BIRC6: variants seen among roughly 807,000 people sequenced by gnomAD.
BIRC6 encodes the protein dual E2 ubiquitin-conjugating enzyme/E3 ubiquitin-protein ligase BIRC6.
In BIRC6, 98 loss-of-function variants were observed where a neutral mutation model predicts 503.3. The ratio of observed to expected loss-of-function variants is 0.19; its 90% CI spans 0.17 to 0.23. The LOEUF is 0.23. Among genes scored for constraint, BIRC6 ranks in the 10% least tolerant of loss-of-function variants. The pLI is 1.00. For synonymous variants in BIRC6, 2,240 were observed against 2,078.7 expected (o/e 1.08, Z -2.11); for missense variants, 5,360 against 5,806.0 (o/e 0.92, Z 2.50).
At chr2:32,390,254 T>C (rs1037601977) in intron 4 of BIRC6, among the ~76,000 whole-genome samples, 11 of 152,150 alleles carry the variant, frequency 7.2e-5, no homozygotes, top group Non-Finnish European at 1.3e-4. Context: ...CACTGCGAGC[T>C]CCGCCTCCCA....
chr2:32,578,242 T>G (rs1266140397), intron 66 of BIRC6, among the ~76,000 whole-genome samples: 1 of 152,118 alleles, frequency 6.6e-6, no homozygotes, highest in Non-Finnish European at 1.5e-5. Context: ...ACTTAAGATG[T>G]ATTTTTTTTT....
rs10528992 is a variant in BIRC6 at position 32,508,276 on chromosome 2, CTTTTTTTTTTTTTTTTT to C, written c.9980+28_9980+44del. On this transcript the variant is annotated intron_variant, in intron 51 of 73. Transcript: ENST00000421745. ...CAAAACAAGGTATGTTTTGTTTGTC[CTTTTTTTTTTTTTTTTT>C]TTTTTTTTTTGGCATGGTTGGGAGA... 6.5e-5 allele frequency: 56 copies of C among 864,882 alleles called. 1 individual carries two copies. Among genetic ancestry groups the C allele is most frequent in the Admixed American group, 4.2e-4 (6 of 14,318 alleles). The allele number at this position is 864,882 out of a possible 1,614,324, so 53.6% of individuals were successfully genotyped here.
Position 32,513,196 on chromosome 2 carries a change from G to T in BIRC6, c.10568+42G>T, listed in dbSNP as rs775467215. On this transcript the variant is annotated intron_variant, in intron 54 of 73. Transcript: ENST00000421745. Reference sequence around the variant, plus strand: ...AAATCTTTTTTATCCCCCAGTACTAGATCAGTTAGTGTTCACTTGATAAAA... The same window carrying T: ...AAATCTTTTTTATCCCCCAGTACTATATCAGTTAGTGTTCACTTGATAAAA... 3.4e-6 allele frequency: 5 copies of T among 1,471,164 alleles called. No individual in the cohort carries two copies. In the East Asian group the frequency reaches 9.1e-5, roughly 27 times the overall value. 91.1% of individuals were successfully genotyped at this position (1,471,164 alleles called of 1,614,324 possible).
At chr2:32,370,439 C>G (rs2035766505) in intron 1 of BIRC6, among the ~76,000 whole-genome samples, 1 of 152,076 alleles carries the variant, frequency 6.6e-6, no homozygotes. Context: ...TGTTGGTTCT[C>G]TTGCCTGAAA....
In BIRC6 at chr2:32,377,649, G is replaced by C. The variant is rs775519648; in HGVS notation, c.387G>C (p.Val129=). Residue 129 remains valine (V), a synonymous_variant, in exon 2 of 74, where the codon GTG becomes GTC. Coordinates refer to ENST00000421745, the MANE Select transcript of BIRC6 (RefSeq NM_016252.4). ...YISAVDKVIF[V]DDYAVGCRKD... is the part of the protein sequence containing the mutation. Reference sequence around the variant, plus strand: ...CTGCTGTGGATAAAGTTATATTTGTGGATGATTATGCAGTAGGGTGTAGGA... The same window carrying C: ...CTGCTGTGGATAAAGTTATATTTGTCGATGATTATGCAGTAGGGTGTAGGA... 5.0e-6 allele frequency: 8 copies of C among 1,613,306 alleles called. No homozygotes were observed. The South Asian group carries it at 8.8e-5, about 18-fold the overall frequency.
Position 32,515,137 on chromosome 2 carries a change from A to C in BIRC6, c.10716A>C (p.Gln3572His), listed in dbSNP as rs61754132. The C allele has an allele frequency of 1.2e-6, 2 of 1,613,998 alleles. No individual in the cohort carries two copies. The highest frequency in any genetic ancestry group is 1.7e-6 in the Non-Finnish European group (2 of 1,179,890). Reference protein sequence around the residue: ...GWMGITPPPVQCHHRLSMTDD... With the variant: ...GWMGITPPPVHCHHRLSMTDD... The stretch of plus-strand genomic sequence containing the variant: ...TGGGAATTACCCCTCCTCCAGTGCA[A>C]TGTCATCATAGACTGTCCATGACAG... Residue 3572 changes from glutamine (Q) to histidine (H), a missense_variant, in exon 55 of 74, where the codon CAA becomes CAC. By Grantham distance (24) the Gln-to-His change is conservative (BLOSUM62 0). Coordinates refer to ENST00000421745, the MANE Select transcript of BIRC6 (RefSeq NM_016252.4).
At chr2:32,523,357 C>T (rs958410831) in intron 57 of BIRC6, 41 of 152,156 alleles carry the variant, frequency 2.7e-4, no homozygotes, top group African/African-American at 9.9e-4. Flanking sequence ...TGAAAATTGG[C>T]TAAACTTCTA....
chr2:32,467,574 T>A lies in BIRC6; in HGVS notation c.5406T>A (p.Thr1802=), dbSNP rs1246766346. Reference sequence around the variant, plus strand: ...ATTTTGGGAGGCCTATATTGTTGACTGATGTATTGATTCCCACTTGTGGAG... The same window carrying A: ...ATTTTGGGAGGCCTATATTGTTGACAGATGTATTGATTCCCACTTGTGGAG... The part of the protein sequence containing the change: ...TLDFGRPILL[T]DVLIPTCGDL... The change falls in exon 27 of 74, where the codon ACT becomes ACA. Residue 1802 remains threonine, a synonymous_variant. Transcript: ENST00000421745. The A allele has an allele frequency of 9.3e-6, 15 of 1,613,856 alleles. No homozygotes were observed. The highest frequency in any genetic ancestry group is 1.3e-5 in the Non-Finnish European group (15 of 1,179,886).
chr2:32,529,489 C>A (rs2056559046), intron 59 of BIRC6, 162 bp from the exon 60 acceptor site: 2 of 598,050 alleles, frequency 3.3e-6, no homozygotes, highest in Non-Finnish European at 5.4e-6. Flanking sequence ...GAAATAAACT[C>A]ACTTTTTGTA....
intron 9 of BIRC6, among the ~76,000 whole-genome samples, chr2:32,408,777 G>A (rs2041532353): frequency 6.6e-6 from 1 of 152,162 alleles, no homozygotes; most frequent in Non-Finnish European, 1.5e-5. Context: ...TCATTTAGGG[G>A]TGTAAAAATT....
At chr2:32,529,858 C>G in intron 60 of BIRC6, 34 bp downstream of exon 60, 1 of 1,401,222 alleles carries the variant, frequency 7.1e-7, no homozygotes, top group Non-Finnish European at 9.5e-7. Flanking sequence ...AAATTACAGA[C>G]TGTCATACAA....
At chr2:32,497,107 A>G (rs550068985) in intron 45 of BIRC6, among the ~76,000 whole-genome samples, 2 of 152,338 alleles carry the variant, frequency 1.3e-5, no homozygotes, top group African/African-American at 4.8e-5. Flanking sequence ...GGATTTTGTT[A>G]GATGTTTCCC....
At chr2:32,594,887 A>T in intron 67 of BIRC6, 147 bp from the exon 68 acceptor site, 2 of 476,306 alleles carry the variant, frequency 4.2e-6, no homozygotes, top group Non-Finnish European at 7.4e-6. Flanking sequence ...TTATTCTCAG[A>T]GCGGTTGTAA....
intron 20 of BIRC6, 151 bp from the exon 21 acceptor site, chr2:32,445,370 T>C: frequency 1.3e-6 from 1 of 742,622 alleles, no homozygotes; most frequent in Middle Eastern, 4.1e-4. Context: ...CAAGGAGTTA[T>C]CTTTGTAAAT....
intron 15 of BIRC6, among the ~76,000 whole-genome samples, chr2:32,437,090 A>G (rs1178807516): frequency 1.3e-5 from 2 of 151,416 alleles, no homozygotes; most frequent in Non-Finnish European, 2.9e-5. Flanking sequence ...GGGTTTCATC[A>G]TGTCGCCCAG....
chr2:32,380,357 T>C, intron 3 of BIRC6, 67 bp downstream of exon 3: 1 of 1,467,276 alleles, frequency 6.8e-7, no homozygotes, highest in Non-Finnish European at 9.0e-7. Context: ...CTTTTGCACT[T>C]TCCTTTCCTC....
chr2:32,568,238 C>T lies in BIRC6; in HGVS notation c.13145-6918C>T, dbSNP rs1400689957. 6.2e-5 allele frequency among the ~76,000 whole-genome samples: 9 copies of T among 145,200 alleles called. No individual in the cohort carries two copies. The South Asian group carries it at 1.5e-3, about 24-fold the overall frequency. ...TATTTGAAATATTAATCACTGTAAT[C>T]GTAACACGTTAGGAGGCCAAGGCAG... On this transcript the variant is annotated intron_variant, in intron 65 of 73. Transcript: ENST00000421745.
At chr2:32,442,486 T>C (rs374713170) in intron 19 of BIRC6, 31 bp downstream of exon 19, 133 of 1,562,908 alleles carry the variant, frequency 8.5e-5, no homozygotes, top group Non-Finnish European at 1.1e-4. Context: ...AAAGCATACT[T>C]TCTAGGTACA....
chr2:32,532,384 T>C, intron 61 of BIRC6: 1 of 406,418 alleles, frequency 2.5e-6, no homozygotes, highest in Non-Finnish European at 4.9e-6. Context: ...CTTCTATTGG[T>C]TGCCAGTAGT....
Sources: allele counts gnomAD v4.1 joint callset (sites outside exome capture counted in the v4.1 genomes callset), GRCh38; gene constraint gnomAD v4.1.1; transcripts MANE v1.5; gene names NCBI Gene and HGNC (gene_info 2026-07-23, HGNC 2026-07-21).